CSGALNACT1: variants seen among roughly 807,000 people sequenced by gnomAD.
CSGALNACT1 encodes beta4GalNAcT-1.
A neutral mutation model predicts 51.0 loss-of-function variants in CSGALNACT1; 52 were observed. The ratio of observed to expected loss-of-function variants is 1.02; its 90% confidence interval spans 0.82 to 1.29. The LOEUF (loss-of-function observed/expected upper bound fraction) is 1.29, where lower values mean the gene tolerates loss of function less well. Ranked by LOEUF, CSGALNACT1 falls within the 50% of genes most tolerant of loss-of-function variation. The pLI is 0.00. For synonymous variants in CSGALNACT1, 341 were observed against 254.4 expected, an observed-to-expected ratio of 1.34 and a Z score of -3.24; for missense variants, 935 against 679.2, an observed-to-expected ratio of 1.38 and a Z score of -4.19.
At chr8:19,642,130 A>G (rs2056808868) in intron 1 of CSGALNACT1, 1 of 152,180 alleles carries the variant, frequency 6.6e-6, no homozygotes, top group Admixed American at 6.5e-5. Context: ...TGCCTGAATC[A>G]TTTTGTTAGC....
intron 1 of CSGALNACT1, among the ~76,000 whole-genome samples, chr8:19,756,229 A>C (rs1255055557): frequency 6.6e-6 from 1 of 152,124 alleles, no homozygotes; most frequent in Non-Finnish European, 1.5e-5. Flanking sequence ...TCCAGTTTAA[A>C]AAAAAAAACC....
intron 1 of CSGALNACT1, among the ~76,000 whole-genome samples, chr8:19,655,448 C>T (rs2058175209): frequency 6.6e-6 from 1 of 152,014 alleles, no homozygotes; most frequent in African/African-American, 2.4e-5. Flanking sequence ...GCAGCCTTGA[C>T]CTCCTTGGCT....
chr8:19,631,506 G>A (rs1461592159), intron 1 of CSGALNACT1, among the ~76,000 whole-genome samples: 1 of 152,176 alleles, frequency 6.6e-6, no homozygotes, highest in East Asian at 1.9e-4. Context: ...GCCTGCAATT[G>A]TCATTTTCAG....
chr8:19,579,905 G>C (rs1564131646), intron 3 of CSGALNACT1, among the ~76,000 whole-genome samples: 1 of 152,192 alleles, frequency 6.6e-6, no homozygotes, highest in Non-Finnish European at 1.5e-5. Flanking sequence ...ACAAAAGCTG[G>C]ATGAAGAAGA....
At chr8:19,662,075 C>CCG (rs2058800756) in intron 1 of CSGALNACT1, among the ~76,000 whole-genome samples, 10 of 32,834 alleles carry the variant, frequency 3.0e-4, no homozygotes, top group East Asian at 1.1e-3. Flanking sequence ...CCCCCCCCCA[C>CCG]CCCCCCCCCC....
intron 1 of CSGALNACT1, among the ~76,000 whole-genome samples, chr8:19,712,502 C>G (rs111548955): frequency 2.4e-4 from 37 of 152,278 alleles, no homozygotes; most frequent in African/African-American, 7.9e-4. Flanking sequence ...TGAGTACTCT[C>G]TTCCTGAACA....
intron 1 of CSGALNACT1, among the ~76,000 whole-genome samples, chr8:19,623,881 C>G (rs529331851): frequency 7.9e-5 from 12 of 152,304 alleles, no homozygotes; most frequent in Non-Finnish European, 1.3e-4. Context: ...GATGATTTCT[C>G]TCTTGTATTA....
intron 3 of CSGALNACT1, among the ~76,000 whole-genome samples, chr8:19,564,928 A>C (rs955424328): frequency 1.1e-4 from 16 of 152,238 alleles, no homozygotes; most frequent in Non-Finnish European, 1.2e-4. Flanking sequence ...TATTGGTAGA[A>C]TAAATGAGTG....
chr8:19,440,444 T>G (rs2061133868), intron 5 of CSGALNACT1, among the ~76,000 whole-genome samples: 1 of 151,716 alleles, frequency 6.6e-6, no homozygotes, highest in African/African-American at 2.4e-5. Context: ...ATCCAGCATA[T>G]AAACAGAACC....
intron 3 of CSGALNACT1, among the ~76,000 whole-genome samples, chr8:19,525,871 G>A (rs2154041993): frequency 6.6e-6 from 1 of 152,192 alleles, no homozygotes; most frequent in African/African-American, 2.4e-5. Context: ...GCTGCTCCCT[G>A]AGGGATTACT....
At chr8:19,518,120 C>A (rs998765249) in intron 3 of CSGALNACT1, among the ~76,000 whole-genome samples, 4 of 152,188 alleles carry the variant, frequency 2.6e-5, no homozygotes, top group African/African-American at 9.7e-5. Context: ...AAATGAGCAA[C>A]ACTCCCCAGC....
intron 4 of CSGALNACT1, among the ~76,000 whole-genome samples, chr8:19,503,733 G>C (rs907411924): frequency 6.6e-6 from 1 of 151,492 alleles, no homozygotes; most frequent in Non-Finnish European, 1.5e-5. Context: ...GCTTATACAG[G>C]TTAGCTCCTG....
rs574255961 is a variant in CSGALNACT1 at position 19,752,077 on chromosome 8, G to A, written c.-297+5773C>T. Among the ~76,000 whole-genome samples the A allele has an allele frequency of 6.3e-4, 92 of 146,932 alleles. 1 individual carries two copies. The highest frequency in any genetic ancestry group is 3.6e-3 in the Middle Eastern group (1 of 278). ...ATAACAATATATTTTTATATGATAT[G>A]ATGATGATGATAAATGATATACATT... is the stretch of plus-strand genomic sequence containing the variant. On this transcript the variant is annotated intron_variant, in intron 1 of 1. Transcript: ENST00000517494.
At chr8:19,458,493 G>A in exon 5 of CSGALNACT1, 1 of 1,614,154 alleles carries the variant, frequency 6.2e-7, no homozygotes, top group South Asian at 1.1e-5. Context: ...ACATTGATAA[G>A]CGTGTTGGCC....
chr8:19,413,798 G>T (rs2056355235), intron 8 of CSGALNACT1, among the ~76,000 whole-genome samples: 1 of 152,198 alleles, frequency 6.6e-6, no homozygotes, highest in Admixed American at 6.5e-5. Flanking sequence ...GTGGGCATTA[G>T]AAATGATAAG....
intron 3 of CSGALNACT1, among the ~76,000 whole-genome samples, chr8:19,563,351 G>C (rs1386693713): frequency 6.6e-6 from 1 of 152,160 alleles, no homozygotes. Flanking sequence ...GTGATGGGTT[G>C]ACAGGTGCAG....
chr8:19,530,081 G>T (rs1052363485), intron 3 of CSGALNACT1, among the ~76,000 whole-genome samples: 5 of 151,972 alleles, frequency 3.3e-5, no homozygotes, highest in African/African-American at 1.2e-4. Flanking sequence ...AATTAGCCAG[G>T]CATAGTGGTG....
intron 1 of CSGALNACT1, among the ~76,000 whole-genome samples, chr8:19,725,518 G>A (rs887834960): frequency 6.7e-5 from 10 of 148,536 alleles, no homozygotes; most frequent in Admixed American, 2.7e-4. Flanking sequence ...TCTGCCTTCC[G>A]GTTTCAAGCG....
chr8:19,419,838 G>A (rs1213207511), intron 7 of CSGALNACT1, among the ~76,000 whole-genome samples: 3 of 152,308 alleles, frequency 2.0e-5, no homozygotes, highest in South Asian at 4.1e-4. Flanking sequence ...AGATGGTGAC[G>A]TGGTTTGGCT....
Sources: allele counts gnomAD v4.1 joint callset (sites outside exome capture counted in the v4.1 genomes callset), GRCh38; gene constraint gnomAD v4.1.1; transcripts MANE v1.5; gene names NCBI Gene and HGNC (gene_info 2026-07-23, HGNC 2026-07-21).